The following GIN1 variants were observed in gnomAD, a reference collection of about 807,000 sequenced individuals.
The protein encoded by GIN1 is gypsy retrotransposon integrase-like protein 1.
Under a neutral mutation model 51.4 loss-of-function variants are expected in GIN1, and 41 were observed. The ratio of observed to expected loss-of-function variants is 0.80; its 90% CI spans 0.62 to 1.04. The LOEUF (loss-of-function observed/expected upper bound fraction) is 1.04, where lower values mean the gene tolerates loss of function less well. Among genes scored for constraint, GIN1 ranks in the 50% least tolerant of loss-of-function variants. The probability of loss-of-function intolerance (pLI) is 0.00; values close to 1 mark genes in which losing one functional copy is unlikely to be tolerated. For synonymous variants in GIN1, 222 were observed against 206.5 expected, an observed-to-expected ratio of 1.07 and a Z score of -0.64; for missense variants, 610 against 612.4, an observed-to-expected ratio of 1.00 and a Z score of 0.04.
intron 7 of GIN1, among the ~76,000 whole-genome samples, chr5:103,091,249 T>A (rs574869027): frequency 1.3e-5 from 2 of 152,294 alleles, no homozygotes; most frequent in East Asian, 3.9e-4. Context: ...TTATATAAAA[T>A]ATATTATTAA....
Position 103,088,138 on chromosome 5 carries a change from T to G in GIN1, c.1329A>C (p.Ala443=), listed in dbSNP as rs782653359. 1 of 1,605,782 alleles carries G rather than the reference T, an allele frequency of 6.2e-7. No individual in the cohort carries two copies. Among genetic ancestry groups the G allele is most frequent in the Non-Finnish European group, 8.5e-7 (1 of 1,174,588 alleles). ...CAGGCAATCCAATGTAGTCATGATC[T>G]GCCACTACTGAACCTTGCAAGAGAT... The part of the protein sequence containing the change: ...SLYLLQGSVV[A]DHDYIGLPEI... The change falls in exon 8 of 8, where the codon GCA becomes GCC. Residue 443 remains alanine (A), a synonymous_variant. Transcript: ENST00000399004.
At chr5:103,089,389 A>G (rs1207169004) in intron 7 of GIN1, among the ~76,000 whole-genome samples, 1 of 152,190 alleles carries the variant, frequency 6.6e-6, no homozygotes, top group Admixed American at 6.5e-5. Flanking sequence ...CCCCCAAAAC[A>G]TCAGAATATA....
At chr5:103,100,669 G>C (rs1562329984) in intron 4 of GIN1, among the ~76,000 whole-genome samples, 1 of 151,802 alleles carries the variant, frequency 6.6e-6, no homozygotes, top group African/African-American at 2.4e-5. Context: ...AAAAAGCTGA[G>C]GTATGAGCCA....
At chr5:103,096,070 C>T (rs1456296679) in intron 7 of GIN1, among the ~76,000 whole-genome samples, 2 of 152,002 alleles carry the variant, frequency 1.3e-5, no homozygotes, top group African/African-American at 4.8e-5. Flanking sequence ...GCCCAGGCAC[C>T]CTGTTTCATG....
intron 2 of GIN1, among the ~76,000 whole-genome samples, chr5:103,107,491 G>C (rs1554196476): frequency 2.0e-5 from 3 of 152,072 alleles, no homozygotes. Flanking sequence ...GAAGTAACCA[G>C]GGTATGAAGC....
Position 103,092,865 on chromosome 5 carries a change from G to A in GIN1, c.1294+3676C>T, listed in dbSNP as rs111829228. ...GGAGGCTGATGTGGGAAGATTGCTT[G>A]AGCCCAGGAAGTCAAGGCTGCAGTG... is the stretch of plus-strand genomic sequence containing the variant. On this transcript the variant is annotated intron_variant, in intron 7 of 7. Transcript: ENST00000399004. Among the ~76,000 whole-genome samples the A allele has an allele frequency of 1.2e-3, 169 of 138,038 alleles. 1 individual carries two copies. Among genetic ancestry groups the A allele is most frequent in the Non-Finnish European group, 1.7e-3 (111 of 66,112 alleles). 90.6% of individuals were successfully genotyped at this position (138,038 alleles called of 152,430 possible).
In GIN1 at chr5:103,096,757, T is replaced by G; in HGVS notation, c.1078A>C (p.Asn360His). The change falls in exon 7 of 8, where the codon AAT (asparagine) becomes CAT (histidine). Residue 360 changes from asparagine to histidine, a missense_variant. Asn to His is a moderately conservative substitution (Grantham distance 68). Transcript: ENST00000399004. ...TGACCCACTTTTAAATGAAATGGAT[T>G]TAATTGTTTGGGTTTCTTTTTAACA... ...IIVKKKPKQL[N>H]PFHLKVGHEV... is the part of the protein sequence containing the mutation. 1 of 1,610,992 alleles carries G rather than the reference T, an allele frequency of 6.2e-7. No individual in the cohort carries two copies. The highest frequency in any genetic ancestry group is 2.2e-5 in the East Asian group (1 of 44,846).
At chr5:103,108,943 T>C (rs1787802583) in intron 1 of GIN1, among the ~76,000 whole-genome samples, 1 of 152,004 alleles carries the variant, frequency 6.6e-6, no homozygotes, top group African/African-American at 2.4e-5. Context: ...CTCTTTCCAT[T>C]TGATAAGAAA....
At chr5:103,108,908 T>C (rs782543229) in intron 1 of GIN1, among the ~76,000 whole-genome samples, 194 bp from the exon 2 acceptor site, 1 of 152,154 alleles carries the variant, frequency 6.6e-6, no homozygotes, top group East Asian at 1.9e-4. Flanking sequence ...CTATTTTTGA[T>C]ATACCCCATG....
chr5:103,095,214 T>C (rs154265), intron 7 of GIN1, among the ~76,000 whole-genome samples: 145,151 of 152,282 alleles, frequency 0.95, 69,221 homozygotes, highest in East Asian at 1. Flanking sequence ...GCTAAGTTAC[T>C]CATTAACTCT....
At chr5:103,113,820 C>A (rs1388568890) in intron 1 of GIN1, among the ~76,000 whole-genome samples, 1 of 152,148 alleles carries the variant, frequency 6.6e-6, no homozygotes, top group African/African-American at 2.4e-5. Flanking sequence ...CCGCGCCCAG[C>A]CCCAAGGTCC....
In GIN1 at chr5:103,087,800, T is replaced by C. The variant is rs1304817476; in HGVS notation, c.*98A>G. The C allele has an allele frequency of 3.0e-5, 17 of 568,654 alleles. No individual in the cohort carries two copies. Among genetic ancestry groups the C allele is most frequent in the Non-Finnish European group, 4.6e-5 (15 of 327,276 alleles). The allele number at this position is 568,654 out of a possible 1,614,324, so 35.2% of individuals were successfully genotyped here. On this transcript the variant is annotated 3_prime_UTR_variant, in exon 8 of 8. Coordinates refer to ENST00000399004, the MANE Select transcript of GIN1 (RefSeq NM_017676.2). ...ACCTTCAGAATATAGTCATTAAGAA[T>C]GTGTCAAGATACTTCTTCTATACAA...
chr5:103,104,934 A>C (rs1787683426), intron 3 of GIN1, 88 bp from the exon 4 acceptor site: 1 of 791,834 alleles, frequency 1.3e-6, no homozygotes, highest in Non-Finnish European at 2.0e-6. Context: ...GAATTTTAAA[A>C]TGGTTAATAG....
chr5:103,099,725 T>C (rs1554195570), intron 4 of GIN1, among the ~76,000 whole-genome samples: 1 of 152,170 alleles, frequency 6.6e-6, no homozygotes, highest in Non-Finnish European at 1.5e-5. Context: ...CTGTAAGACA[T>C]TTAAAAAAAT....
At chr5:103,113,680 C>T (rs1192996659) in intron 1 of GIN1, among the ~76,000 whole-genome samples, 2 of 152,040 alleles carry the variant, frequency 1.3e-5, no homozygotes, top group Non-Finnish European at 2.9e-5. Flanking sequence ...TGCCACCATG[C>T]CCAGCTAATT....
intron 1 of GIN1, among the ~76,000 whole-genome samples, chr5:103,115,431 T>C (rs116580163): frequency 4.3e-4 from 65 of 152,202 alleles, no homozygotes; most frequent in African/African-American, 1.6e-3. Context: ...AAAAGATAAA[T>C]ACTGTAAGAT....
intron 7 of GIN1, among the ~76,000 whole-genome samples, chr5:103,092,945 CAAAAAAAAAA>C (rs5870040): frequency 5.0e-5 from 3 of 60,476 alleles, no homozygotes; most frequent in African/African-American, 1.3e-4. Flanking sequence ...GAACCTGTCT[CAAAAAAAAAA>C]AAAAAAAAAA....
intron 1 of GIN1, among the ~76,000 whole-genome samples, chr5:103,118,955 T>C (rs1554197896): frequency 6.6e-6 from 1 of 152,196 alleles, no homozygotes; most frequent in African/African-American, 2.4e-5. Flanking sequence ...CTTAAAATCA[T>C]TACTTAATGT....
Position 103,089,459 on chromosome 5 carries a change from C to T in GIN1, c.1295-1287G>A, listed in dbSNP as rs531080879. 7.2e-5 allele frequency among the ~76,000 whole-genome samples: 11 copies of T among 152,002 alleles called. No homozygotes were observed. The East Asian group carries it at 2.1e-3, about 30-fold the overall frequency. Reference sequence around the variant, plus strand: ...TTTTTCATTCATTCATTCATTCATTCATTCACTCATTCATTCATTCATGGT... The same window carrying T: ...TTTTTCATTCATTCATTCATTCATTTATTCACTCATTCATTCATTCATGGT... On this transcript the variant is annotated intron_variant, in intron 7 of 7. Coordinates refer to ENST00000399004, the MANE Select transcript of GIN1 (RefSeq NM_017676.2).
Sources: gnomAD v4.1 joint callset for allele counts (sites outside exome capture counted in the v4.1 genomes callset) on GRCh38, gnomAD v4.1.1 for gene constraint, MANE v1.5 for transcripts, NCBI Gene and HGNC (gene_info 2026-07-23, HGNC 2026-07-21) for gene names.